BCAS3: variants seen among roughly 807,000 people sequenced by gnomAD.
BCAS3 encodes BCAS4/BCAS3 fusion.
In BCAS3, 53 loss-of-function variants were observed where a neutral mutation model predicts 116.1. The observed-to-expected ratio is 0.46, with a 90% CI of 0.37 to 0.57. BCAS3 has a LOEUF of 0.57. Ranked by LOEUF, BCAS3 falls within the 20% of genes least tolerant of loss-of-function variation. BCAS3 has a pLI of 0.00. For missense variants in BCAS3, 917 were observed against 1,165.4 expected (o/e 0.79, Z 3.10); for synonymous variants, 391 against 408.2 (o/e 0.96, Z 0.51).
chr17:60,959,460 T>TCAAC (rs1238727541), intron 14 of BCAS3, among the ~76,000 whole-genome samples: 1 of 152,176 alleles, frequency 6.6e-6, no homozygotes, highest in African/African-American at 2.4e-5. Context: ...ACACAAGTTG[T>TCAAC]ATGTCTTATG....
intron 4 of BCAS3, among the ~76,000 whole-genome samples, chr17:60,701,478 A>C (rs1405084689): frequency 6.6e-6 from 1 of 152,198 alleles, no homozygotes; most frequent in Non-Finnish European, 1.5e-5. Flanking sequence ...GTGCGGGTCC[A>C]CTTTAGTTAT....
At chr17:61,116,242 A>T (rs1374285898) in intron 22 of BCAS3, among the ~76,000 whole-genome samples, 1 of 75,578 alleles carries the variant, frequency 1.3e-5, no homozygotes, top group Admixed American at 2.0e-4. Context: ...AAAGTATAAT[A>T]AAAAAATAAA....
chr17:61,128,171 CT>C lies in BCAS3; in HGVS notation c.2425+43611del. ...AAACCTGACAACTCAATCTGGTTTT[CT>C]TTTAGGAAGCCTTCCACCAGGAATA... On this transcript the variant is annotated intron_variant, in intron 22 of 23. Coordinates refer to ENST00000407086, the MANE Select transcript of BCAS3 (RefSeq NM_017679.5). The surrounding 1 kb of genome is among the most constrained non-coding windows in gnomAD (Gnocchi z 4.1). 1.0e-6 allele frequency: 1 copy of C among 985,354 alleles called. No homozygotes were observed. Among genetic ancestry groups the C allele is most frequent in the Non-Finnish European group, 1.2e-6 (1 of 829,880 alleles). The allele number at this position is 985,354 out of a possible 1,614,324, so 61.0% of individuals were successfully genotyped here. A position where few individuals can be genotyped will look rare whatever the true frequency, so the allele number is the denominator to read the frequency against.
chr17:61,335,611 G>A lies in BCAS3; in HGVS notation c.2426-32716G>A, dbSNP rs562061645. The stretch of plus-strand genomic sequence containing the variant: ...ACTTCTCTGAGAAATGCTCTTCTGG[G>A]CCAGGTGCAATGGCTCATCCTAGCA... On this transcript the variant is annotated intron_variant, in intron 22 of 23. Transcript: ENST00000407086. Among the ~76,000 whole-genome samples the A allele has an allele frequency of 4.6e-5, 7 of 152,248 alleles. No homozygotes were observed. In the South Asian group the frequency reaches 1.5e-3, roughly 32 times the overall value.
intron 19 of BCAS3, among the ~76,000 whole-genome samples, chr17:61,044,316 G>A (rs1272978368): frequency 3.3e-5 from 5 of 151,222 alleles, no homozygotes; most frequent in African/African-American, 7.3e-5. Flanking sequence ...GCGTGGTGGC[G>A]GGCGCCTGTA....
Position 61,376,707 on chromosome 17 carries a change from T to C in BCAS3, c.2593+8213T>C, listed in dbSNP as rs1603175493. 6.6e-6 allele frequency among the ~76,000 whole-genome samples: 1 copy of C among 152,224 alleles called. No homozygotes were observed. The highest frequency in any genetic ancestry group is 2.4e-5 in the African/African-American group (1 of 41,452). On this transcript the variant is annotated intron_variant, in intron 23 of 23. Transcript: ENST00000407086. The surrounding 1 kb of genome is among the most constrained non-coding windows in gnomAD (Gnocchi z 4.5). ...GCCAAAGTCTCTAGGCTTCTCTGGG[T>C]AATATCTCTGATTGCCCAGTGCTCC...
At chr17:61,010,338 C>T (rs547905943) in intron 15 of BCAS3, among the ~76,000 whole-genome samples, 2 of 152,080 alleles carry the variant, frequency 1.3e-5, no homozygotes, top group African/African-American at 4.8e-5. Context: ...AAACAGATCA[C>T]ACCATGTCAT....
At chr17:61,303,724 C>G (rs1391720104) in intron 22 of BCAS3, among the ~76,000 whole-genome samples, 1 of 152,138 alleles carries the variant, frequency 6.6e-6, no homozygotes, top group East Asian at 1.9e-4. Context: ...TTCCCCATCC[C>G]TTTTGTTCCC....
In BCAS3 at chr17:61,215,542, C is replaced by T. The variant is rs773912559; in HGVS notation, c.2425+130978C>T. 3.9e-5 allele frequency among the ~76,000 whole-genome samples: 6 copies of T among 152,132 alleles called. No homozygotes were observed. Among genetic ancestry groups the T allele is most frequent in the Non-Finnish European group, 7.4e-5 (5 of 68,024 alleles). ...TGCATTCCAACATCTCCATAAAGTG[C>T]GAACCAAGATACATTATGCCACTGA... On this transcript the variant is annotated intron_variant, in intron 22 of 23. Coordinates refer to ENST00000407086, the MANE Select transcript of BCAS3 (RefSeq NM_017679.5). This position sits in a 1 kb window ranked among gnomAD's most constrained non-coding sequence, Gnocchi z 4.8.
intron 9 of BCAS3, among the ~76,000 whole-genome samples, chr17:60,886,221 T>C: frequency 6.9e-6 from 1 of 144,958 alleles, no homozygotes; most frequent in East Asian, 2.0e-4. Flanking sequence ...ATACCCTTTC[T>C]TCCAGTTGAT....
intron 5 of BCAS3, among the ~76,000 whole-genome samples, chr17:60,709,976 A>G (rs1214934780): frequency 6.6e-6 from 1 of 152,134 alleles, no homozygotes; most frequent in African/African-American, 2.4e-5. Context: ...CTTCCAGTAG[A>G]TGAGTGGGCT....
At chr17:60,992,068 G>A (rs1217682323) in intron 15 of BCAS3, among the ~76,000 whole-genome samples, 1 of 151,972 alleles carries the variant, frequency 6.6e-6, no homozygotes, top group African/African-American at 2.4e-5. Flanking sequence ...GTGCTATTAT[G>A]AATATGTGTG....
chr17:60,741,422 A>G (rs1425335240), intron 5 of BCAS3, among the ~76,000 whole-genome samples: 1 of 152,214 alleles, frequency 6.6e-6, no homozygotes, highest in African/African-American at 2.4e-5. Flanking sequence ...GAATTAAGAT[A>G]TGAATTTCAT....
intron 2 of BCAS3, 66 bp downstream of exon 2, chr17:60,679,606 T>G (rs2032675235): frequency 3.1e-6 from 4 of 1,306,946 alleles, no homozygotes; most frequent in Non-Finnish European, 3.3e-6. Context: ...ACATTTAGGT[T>G]TTCTTTATGA....
intron 22 of BCAS3, among the ~76,000 whole-genome samples, chr17:61,167,243 A>G (rs778647580): frequency 1.1e-4 from 16 of 152,370 alleles, no homozygotes; most frequent in South Asian, 4.1e-4. Context: ...CTATATGAGT[A>G]ATTGCAAAAT....
chr17:61,113,759 A>G (rs1247745479), intron 22 of BCAS3, among the ~76,000 whole-genome samples: 1 of 63,670 alleles, frequency 1.6e-5, no homozygotes, highest in East Asian at 4.8e-4. Context: ...TCATTCTGAT[A>G]CCAAAGCCGG....
intron 22 of BCAS3, among the ~76,000 whole-genome samples, chr17:61,311,129 C>T (rs2054273040): frequency 6.6e-6 from 1 of 152,156 alleles, no homozygotes; most frequent in Non-Finnish European, 1.5e-5. Context: ...TACTGCTTGG[C>T]AGTAAATGCT....
At chr17:60,779,604 G>A (rs1447908748) in intron 6 of BCAS3, among the ~76,000 whole-genome samples, 2 of 152,080 alleles carry the variant, frequency 1.3e-5, no homozygotes, top group African/African-American at 4.8e-5. Context: ...CCTGACCTCA[G>A]GTGATCCACC....
rs1424543055 is a variant in BCAS3, at chr17:61,366,961, G to A, written c.2426-1366G>A. On this transcript the variant is annotated intron_variant, in intron 22 of 23. Transcript: ENST00000407086. This position sits in a 1 kb window ranked among gnomAD's most constrained non-coding sequence, Gnocchi z 4.5. ...CTGATGTATGGAGTCACCGGCTGTC[G>A]GAGTGTTTACTAACGGTTATCACCT... 2.6e-5 allele frequency among the ~76,000 whole-genome samples: 4 copies of A among 152,300 alleles called. No individual in the cohort carries two copies. In the South Asian group the frequency reaches 6.2e-4, roughly 24 times the overall value.
Sources: gnomAD v4.1 joint callset for allele counts (sites outside exome capture counted in the v4.1 genomes callset) on GRCh38, gnomAD v4.1.1 for gene constraint, Gnocchi (gnomAD v3.1) non-coding constraint, MANE v1.5 for transcripts, NCBI Gene and HGNC (gene_info 2026-07-23, HGNC 2026-07-21) for gene names.